The following KCNT2 variants were observed in gnomAD, a reference collection of about 807,000 sequenced individuals.
The protein encoded by KCNT2 is potassium sodium-activated channel subfamily T member 2.
Under a neutral mutation model 153.8 loss-of-function variants are expected in KCNT2, and 67 were observed. The observed-to-expected ratio is 0.44, with a 90% confidence interval of 0.36 to 0.53. The LOEUF is 0.53. KCNT2 is among the 20% of genes least tolerant of loss of function. The probability of loss-of-function intolerance (pLI) is 0.00; values close to 1 mark genes in which losing one functional copy is unlikely to be tolerated. For missense variants in KCNT2, 975 were observed against 1,354.8 expected (o/e 0.72, Z 4.40); for synonymous variants, 500 against 458.8 (o/e 1.09, Z -1.15).
At chr1:196,251,701 C>T (rs776464580) in intron 26 of KCNT2, among the ~76,000 whole-genome samples, 2 of 151,766 alleles carry the variant, frequency 1.3e-5, no homozygotes, top group African/African-American at 2.4e-5. Flanking sequence ...AACATGGTGA[C>T]TACAGTCAAT....
chr1:196,444,279 G>T (rs1314247170), intron 8 of KCNT2, among the ~76,000 whole-genome samples: 1 of 151,366 alleles, frequency 6.6e-6, no homozygotes, highest in Non-Finnish European at 1.5e-5. Context: ...GAAGCTCACT[G>T]TGATATCAGA....
At chr1:196,264,631 A>T (rs1657355259) in intron 25 of KCNT2, among the ~76,000 whole-genome samples, 1 of 151,642 alleles carries the variant, frequency 6.6e-6, no homozygotes, top group Non-Finnish European at 1.5e-5. Flanking sequence ...AATTTTAAAA[A>T]TTATTTATTT....
intron 1 of KCNT2, among the ~76,000 whole-genome samples, chr1:196,584,232 G>T (rs1179607340): frequency 1.4e-5 from 2 of 141,786 alleles, no homozygotes; most frequent in Non-Finnish European, 3.1e-5. Context: ...CATAATTGTG[G>T]AGGAATCACC....
intron 25 of KCNT2, among the ~76,000 whole-genome samples, chr1:196,271,810 A>T (rs1400409117): frequency 6.6e-6 from 1 of 151,920 alleles, no homozygotes; most frequent in Non-Finnish European, 1.5e-5. Context: ...GACTAATATG[A>T]AAGTACTTAA....
At chr1:196,251,265 A>G (rs530780831) in intron 26 of KCNT2, among the ~76,000 whole-genome samples, 1 of 152,122 alleles carries the variant, frequency 6.6e-6, no homozygotes, top group Non-Finnish European at 1.5e-5. Context: ...TGGAGTAAAG[A>G]CGCCTTTCTA....
chr1:196,402,748 A>G (rs544323514), intron 12 of KCNT2, among the ~76,000 whole-genome samples: 2 of 151,826 alleles, frequency 1.3e-5, no homozygotes, highest in Admixed American at 1.3e-4. Flanking sequence ...AAACAACTCT[A>G]TTTAAAATTG....
chr1:196,437,651 A>G (rs1352721576), intron 8 of KCNT2, among the ~76,000 whole-genome samples: 1 of 150,794 alleles, frequency 6.6e-6, no homozygotes, highest in Non-Finnish European at 1.5e-5. Flanking sequence ...GCAAATGAAT[A>G]TCTTTTTAGT....
intron 27 of KCNT2, among the ~76,000 whole-genome samples, chr1:196,235,285 A>G (rs1365951595): frequency 1.3e-5 from 2 of 151,322 alleles, no homozygotes; most frequent in Admixed American, 6.6e-5. Flanking sequence ...CATAAATTCT[A>G]TCTACCCTTC....
At position 196,553,890 on chromosome 1, in the gene KCNT2, T is replaced by A. The variant is rs370552764; in HGVS notation, c.95+54325A>T. The stretch of plus-strand genomic sequence containing the variant: ...ATGTGCATGAATGACCATGGGTCAA[T>A]GAAGAAGTTAAGAGGAAATTGAAAA... On this transcript the variant is annotated intron_variant, in intron 1 of 27. Coordinates refer to ENST00000294725, the MANE Select transcript of KCNT2 (RefSeq NM_198503.5). Among the ~76,000 whole-genome samples, 44 of 151,294 alleles carry A rather than the reference T, an allele frequency of 2.9e-4. No individual in the cohort carries two copies. In the South Asian group the frequency reaches 8.9e-3, roughly 31 times the overall value.
At chr1:196,312,657 T>C (rs955224281) in intron 21 of KCNT2, among the ~76,000 whole-genome samples, 1 of 151,756 alleles carries the variant, frequency 6.6e-6, no homozygotes, top group Non-Finnish European at 1.5e-5. Flanking sequence ...ATTACTTCTG[T>C]TATCTGTACT....
At chr1:196,276,586 C>G (rs116836800) in intron 25 of KCNT2, among the ~76,000 whole-genome samples, 1 of 151,852 alleles carries the variant, frequency 6.6e-6, no homozygotes, top group Non-Finnish European at 1.5e-5. Flanking sequence ...TTCCATAAAA[C>G]GTCTGGTTTC....
intron 11 of KCNT2, among the ~76,000 whole-genome samples, chr1:196,423,780 T>C (rs990905808): frequency 2.0e-5 from 3 of 151,710 alleles, no homozygotes; most frequent in Non-Finnish European, 2.9e-5. Context: ...TAAAAGTCCT[T>C]GAAATAAGAC....
intron 1 of KCNT2, among the ~76,000 whole-genome samples, chr1:196,494,677 C>T (rs1021211664): frequency 6.6e-6 from 1 of 152,032 alleles, no homozygotes; most frequent in Admixed American, 6.5e-5. Context: ...TCATCTAAAG[C>T]CTTAACAAAA....
intron 3 of KCNT2, among the ~76,000 whole-genome samples, chr1:196,484,349 C>T (rs569843012): frequency 6.6e-6 from 1 of 151,590 alleles, no homozygotes; most frequent in African/African-American, 2.4e-5. Flanking sequence ...TGTTCATAAA[C>T]TTTGCCCAGT....
At chr1:196,431,452 A>G (rs1215928434) in intron 8 of KCNT2, among the ~76,000 whole-genome samples, 1 of 152,078 alleles carries the variant, frequency 6.6e-6, no homozygotes, top group African/African-American at 2.4e-5. Flanking sequence ...CTTCTTATAG[A>G]TTATTTAAAC....
Position 196,402,296 on chromosome 1 carries a change from C to T in KCNT2, c.1186-3625G>A, listed in dbSNP as rs763637771. Among the ~76,000 whole-genome samples the T allele has an allele frequency of 2.1e-3, 311 of 151,580 alleles. 1 individual carries two copies. Among genetic ancestry groups the T allele is most frequent in the Non-Finnish European group, 3.6e-3 (242 of 67,680 alleles). On this transcript the variant is annotated intron_variant, in intron 12 of 27. Transcript: ENST00000294725. ...ACTATAAAAATCCATTTCCTCTTAA[C>T]TTCTATAAAATATATAATCTGAATA...
chr1:196,444,425 T>C (rs1339999811), intron 8 of KCNT2, among the ~76,000 whole-genome samples: 7 of 151,510 alleles, frequency 4.6e-5, no homozygotes, highest in Non-Finnish European at 4.4e-5. Context: ...ATAATGCCTA[T>C]TCTGCTTTCC....
intron 21 of KCNT2, among the ~76,000 whole-genome samples, chr1:196,312,263 C>T (rs1217716426): frequency 1.3e-5 from 2 of 151,398 alleles, no homozygotes; most frequent in Non-Finnish European, 3.0e-5. Flanking sequence ...GCTTAGGATT[C>T]AAGGAGTCTT....
chr1:196,311,536 C>A (rs1308635533), intron 21 of KCNT2, among the ~76,000 whole-genome samples: 1 of 151,778 alleles, frequency 6.6e-6, no homozygotes, highest in East Asian at 1.9e-4. Context: ...AAAACAGCAA[C>A]CAAAAATCTT....
Sources: gnomAD v4.1 joint callset for allele counts (sites outside exome capture counted in the v4.1 genomes callset) on GRCh38, gnomAD v4.1.1 for gene constraint, MANE v1.5 for transcripts, NCBI Gene and HGNC (gene_info 2026-07-23, HGNC 2026-07-21) for gene names.